Variants in VPS45 observed in about 807,000 individuals in gnomAD.
The protein encoded by VPS45 is vacuolar protein sorting-associated protein 45.
Under a neutral mutation model 75.9 loss-of-function variants are expected in VPS45, and 35 were observed. That is an observed-to-expected ratio of 0.46 (90% CI 0.35 to 0.61). VPS45 has a LOEUF of 0.61. Among genes scored for constraint, VPS45 ranks in the 20% least tolerant of loss-of-function variants. VPS45 has a pLI of 0.00. For synonymous variants in VPS45, 220 were observed against 238.2 expected, an observed-to-expected ratio of 0.92 and a Z score of 0.70; for missense variants, 559 against 685.9, an observed-to-expected ratio of 0.81 and a Z score of 2.07.
At chr1:150,094,707 C>T (rs1171328953) in intron 13 of VPS45, among the ~76,000 whole-genome samples, 1 of 152,244 alleles carries the variant, frequency 6.6e-6, no homozygotes, top group African/African-American at 2.4e-5. Context: ...AAGTTATGCA[C>T]CTATCTGAGA....
At chr1:150,078,497 C>A (rs959455204) in intron 7 of VPS45, among the ~76,000 whole-genome samples, 5 of 152,162 alleles carry the variant, frequency 3.3e-5, no homozygotes, top group Admixed American at 3.3e-4. Flanking sequence ...CGGTCGCTCA[C>A]GCCTGTAATC....
intron 14 of VPS45, among the ~76,000 whole-genome samples, chr1:150,127,461 A>AT (rs1297012533): frequency 2.6e-5 from 4 of 151,758 alleles, no homozygotes; most frequent in African/African-American, 9.7e-5. Context: ...CTAACTTTTT[A>AT]TTTTTTTCTA....
Position 150,082,800 on chromosome 1 carries a change from T to C in VPS45, c.1021T>C (p.Leu341=). Residue 341 remains leucine, a synonymous_variant, in exon 10 of 15, where the codon TTG becomes CTG. Transcript: ENST00000644510. ...GACAGTGGTTGGAGAACTGTCTCGA[T>C]TGGTCAGTGAACGGAATCTGCTGGA... The part of the protein sequence containing the change: ...HVTVVGELSR[L]VSERNLLEVS... 2.5e-6 allele frequency: 4 copies of C among 1,614,130 alleles called. No individual in the cohort carries two copies. The highest frequency in any genetic ancestry group is 3.4e-6 in the Non-Finnish European group (4 of 1,180,020).
chr1:150,078,836 G>A (rs367632442), intron 7 of VPS45, among the ~76,000 whole-genome samples: 13 of 150,610 alleles, frequency 8.6e-5, no homozygotes, highest in East Asian at 2.0e-4. Context: ...AGAGCCGGGC[G>A]CGGTGACTCA....
intron 13 of VPS45, 94 bp from the exon 14 acceptor site, chr1:150,110,402 A>AG: frequency 1.5e-6 from 2 of 1,318,582 alleles, no homozygotes; most frequent in Non-Finnish European, 2.0e-6. Context: ...CCTCCACCAA[A>AG]AAAAAAGATT....
chr1:150,124,959 T>C (rs1658429586), intron 14 of VPS45, among the ~76,000 whole-genome samples: 1 of 151,906 alleles, frequency 6.6e-6, no homozygotes, highest in Non-Finnish European at 1.5e-5. Flanking sequence ...TTTGAGAACA[T>C]TTTCCCATGT....
In VPS45 at chr1:150,139,582, C is replaced by T. The variant is rs1343408789; in HGVS notation, c.1626-5127C>T. ...CTTTTTTTTGAGACAGAGTCTCACT[C>T]TGTCACCCATGCTGGGGTGCAATGG... On this transcript the variant is annotated intron_variant, in intron 14 of 14. Coordinates refer to ENST00000644510, the MANE Select transcript of VPS45 (RefSeq NM_007259.5). 2.0e-5 allele frequency among the ~76,000 whole-genome samples: 3 copies of T among 152,074 alleles called. No individual in the cohort carries two copies. The East Asian group carries it at 5.8e-4, about 29-fold the overall frequency.
At chr1:150,135,034 AC>A (rs1188225060) in intron 14 of VPS45, among the ~76,000 whole-genome samples, 2 of 152,156 alleles carry the variant, frequency 1.3e-5, no homozygotes, top group Non-Finnish European at 2.9e-5. Flanking sequence ...GAGGAGTCAA[AC>A]AAATTCTGTA....
chr1:150,131,920 G>A (rs1658860258), intron 14 of VPS45, among the ~76,000 whole-genome samples: 1 of 152,094 alleles, frequency 6.6e-6, no homozygotes, highest in African/African-American at 2.4e-5. Context: ...CAACCCAGAT[G>A]CAGAGAAAGA....
chr1:150,083,253 C>T (rs1655816180), intron 10 of VPS45: 1 of 161,798 alleles, frequency 6.2e-6, no homozygotes, highest in South Asian at 2.0e-4. Flanking sequence ...TATTAATACT[C>T]ATCTCACAGA....
At chr1:150,123,169 A>T (rs114622763) in intron 14 of VPS45, among the ~76,000 whole-genome samples, 212 of 151,872 alleles carry the variant, frequency 1.4e-3, no homozygotes, top group African/African-American at 5.0e-3. Context: ...TGTTTTCAAG[A>T]CTCCTCCATG....
intron 14 of VPS45, among the ~76,000 whole-genome samples, chr1:150,125,866 T>G (rs1658489345): frequency 2.0e-5 from 3 of 151,778 alleles, no homozygotes; most frequent in Non-Finnish European, 4.4e-5. Flanking sequence ...TTTTGTATTT[T>G]TAGTAGAGAC....
chr1:150,107,758 T>A (rs1423004444), intron 13 of VPS45, among the ~76,000 whole-genome samples: 1 of 152,062 alleles, frequency 6.6e-6, no homozygotes, highest in Non-Finnish European at 1.5e-5. Flanking sequence ...AAAAGTAGTC[T>A]GGCATGGTGG....
chr1:150,095,067 T>C (rs181757823), intron 13 of VPS45, among the ~76,000 whole-genome samples: 2 of 152,342 alleles, frequency 1.3e-5, no homozygotes, highest in Admixed American at 1.3e-4. Context: ...TTGAATGCTT[T>C]CAGTATGTTA....
chr1:150,129,103 C>T (rs953566957), intron 14 of VPS45, among the ~76,000 whole-genome samples: 1 of 152,136 alleles, frequency 6.6e-6, no homozygotes, highest in East Asian at 1.9e-4. Context: ...TGGAGTGTGT[C>T]GCCTGTCACT....
intron 14 of VPS45, among the ~76,000 whole-genome samples, chr1:150,141,051 G>C (rs1659366359): frequency 6.6e-6 from 1 of 152,192 alleles, no homozygotes; most frequent in South Asian, 2.1e-4. Flanking sequence ...GCAAGCCGTG[G>C]AAGTTGAGAG....
intron 13 of VPS45, among the ~76,000 whole-genome samples, chr1:150,108,213 T>C (rs74127441): frequency 0.021 from 3,272 of 152,262 alleles, 94 homozygotes; most frequent in African/African-American, 0.074. Context: ...GGTATTTAAG[T>C]CTGGAGTTTA....
intron 14 of VPS45, among the ~76,000 whole-genome samples, chr1:150,139,925 G>A (rs1331185600): frequency 2.0e-5 from 3 of 151,778 alleles, no homozygotes; most frequent in African/African-American, 7.3e-5. Context: ...ATGGAGTCTT[G>A]CTTTGGTGCC....
chr1:150,134,121 G>A lies in VPS45; in HGVS notation c.1626-10588G>A, dbSNP rs115293857. Among the ~76,000 whole-genome samples the A allele has an allele frequency of 2.5e-3, 379 of 152,242 alleles. 3 individuals carry two copies. Among genetic ancestry groups the A allele is most frequent in the African/African-American group, 8.6e-3 (358 of 41,540 alleles). On this transcript the variant is annotated intron_variant, in intron 14 of 14. Coordinates refer to ENST00000644510, the MANE Select transcript of VPS45 (RefSeq NM_007259.5). ...GTCATAGGGTAAAATAACCCCAGTG[G>A]AATTAGTTAGAATCAAGGAAATATC...
Sources: gnomAD v4.1 joint callset for allele counts (sites outside exome capture counted in the v4.1 genomes callset) on GRCh38, gnomAD v4.1.1 for gene constraint, MANE v1.5 for transcripts, NCBI Gene and HGNC (gene_info 2026-07-23, HGNC 2026-07-21) for gene names.